The following ATG4B variants were observed in gnomAD, a reference collection of about 807,000 sequenced individuals.
The protein encoded by ATG4B is autophagy related 4B cysteine peptidase.
In ATG4B, 29 loss-of-function variants were observed where a neutral mutation model predicts 56.6. The ratio of observed to expected loss-of-function variants is 0.51; its 90% confidence interval spans 0.38 to 0.70. The LOEUF is 0.70. Among genes scored for constraint, ATG4B ranks in the 30% least tolerant of loss-of-function variants. The probability of loss-of-function intolerance (pLI) is 0.00; values close to 1 mark genes in which losing one functional copy is unlikely to be tolerated. For synonymous variants in ATG4B, 224 were observed against 206.1 expected (o/e 1.09, Z -0.74); for missense variants, 461 against 515.5 (o/e 0.89, Z 1.02).
At chr2:241,640,168 G>A (rs746781177) in intron 1 of ATG4B, among the ~76,000 whole-genome samples, 27 of 152,194 alleles carry the variant, frequency 1.8e-4, no homozygotes, top group Non-Finnish European at 3.5e-4. Flanking sequence ...GTTACATGGC[G>A]ATACTTTATT....
At chr2:241,661,783 CCAGT>C (rs1339996302) in intron 7 of ATG4B, among the ~76,000 whole-genome samples, 1 of 152,064 alleles carries the variant, frequency 6.6e-6, no homozygotes. Context: ...CTGTCCACCC[CCAGT>C]CAAAGGCCAG....
chr2:241,644,958 AAAG>A (rs2068018994), intron 1 of ATG4B, among the ~76,000 whole-genome samples: 1 of 151,910 alleles, frequency 6.6e-6, no homozygotes, highest in African/African-American at 2.4e-5. Context: ...AAAAAAAAAA[AAAG>A]AAAGAAATTA....
chr2:241,662,958 G>GGGCGCA (rs1159024352), intron 7 of ATG4B, among the ~76,000 whole-genome samples: 1 of 152,130 alleles, frequency 6.6e-6, no homozygotes, highest in Admixed American at 6.5e-5. Flanking sequence ...AAAGCGGGCC[G>GGGCGCA]GGCGCGGTGG....
At chr2:241,657,008 G>A (rs113080747) in intron 6 of ATG4B, among the ~76,000 whole-genome samples, 3 of 146,598 alleles carry the variant, frequency 2.0e-5, no homozygotes, top group Admixed American at 6.9e-5. Context: ...TAGCTCAGTA[G>A]CCTGGGCTGG....
At position 241,673,324 on chromosome 2, in the gene ATG4B, G is replaced by T. The variant is rs1430466031; in HGVS notation, c.*1060G>T. On this transcript the variant is annotated 3_prime_UTR_variant, in exon 13 of 13. Transcript: ENST00000404914. ...GTGTAACCTGCTGTCCCGGGTCCCA[G>T]AGTGCACTCTGCCCCGCTGCTCTGC... 5 of 352,302 alleles carry T rather than the reference G, an allele frequency of 1.4e-5. No homozygotes were observed. The highest frequency in any genetic ancestry group is 3.8e-5 in the Admixed American group (1 of 26,442). 21.8% of individuals were successfully genotyped at this position (352,302 alleles called of 1,614,324 possible). A position where few individuals can be genotyped will look rare whatever the true frequency, so the allele number is the denominator to read the frequency against.
At position 241,655,363 on chromosome 2, in the gene ATG4B, T is replaced by A. The variant is rs1446037221; in HGVS notation, c.458+20T>A. The stretch of plus-strand genomic sequence containing the variant: ...CCTGAAGTATGTACTGCGCTTCCAC[T>A]GCTGAGCATGGGGCAGCAGGGATGT... On this transcript the variant is annotated intron_variant, in intron 6 of 12. Transcript: ENST00000404914. 6.3e-7 allele frequency: 1 copy of A among 1,596,788 alleles called. No individual in the cohort carries two copies.
At chr2:241,655,852 C>T (rs532523524) in intron 6 of ATG4B, among the ~76,000 whole-genome samples, 4 of 152,316 alleles carry the variant, frequency 2.6e-5, no homozygotes, top group South Asian at 2.1e-4. Context: ...TGCGTGCCCG[C>T]CCCCCAGATT....
rs1444065334 is a variant in ATG4B at position 241,671,413 on chromosome 2, C to G, written c.1108+8C>G. On this transcript the variant is annotated splice_region_variant and intron_variant, in intron 12 of 12. Coordinates refer to ENST00000404914, the MANE Select transcript of ATG4B (RefSeq NM_013325.5). ...TCCTGAACCTGTCCCTAGGTGAGAG[C>G]TGCCAAGTCCAGGTGGGGTCCCTCG... 6.2e-7 allele frequency: 1 copy of G among 1,613,324 alleles called. No homozygotes were observed. The highest frequency in any genetic ancestry group is 1.7e-5 in the Admixed American group (1 of 59,950).
At chr2:241,644,380 G>A (rs988463980) in intron 1 of ATG4B, among the ~76,000 whole-genome samples, 3 of 152,254 alleles carry the variant, frequency 2.0e-5, no homozygotes, top group Admixed American at 1.3e-4. Flanking sequence ...TGGAATCATC[G>A]TGTTGGTCGA....
At chr2:241,667,743 C>G in intron 8 of ATG4B, 1 of 177,292 alleles carries the variant, frequency 5.6e-6, no homozygotes, top group Non-Finnish European at 1.2e-5. Context: ...TGAACTTGGC[C>G]CCTCCGTCCA....
chr2:241,652,809 C>T (rs1472079386), intron 3 of ATG4B, among the ~76,000 whole-genome samples: 4 of 152,208 alleles, frequency 2.6e-5, no homozygotes, highest in African/African-American at 4.8e-5. Flanking sequence ...GAGAAGCTGC[C>T]GGAAGCCCAG....
chr2:241,660,062 C>T (rs543477610), intron 7 of ATG4B, among the ~76,000 whole-genome samples: 2 of 152,218 alleles, frequency 1.3e-5, no homozygotes, highest in East Asian at 3.9e-4. Context: ...TGGTGGCACG[C>T]GCCTATAGTC....
chr2:241,642,438 G>A (rs936823168), intron 1 of ATG4B, among the ~76,000 whole-genome samples: 1 of 152,078 alleles, frequency 6.6e-6, no homozygotes. Context: ...TTAAACCTAA[G>A]AGCTTTCTAA....
intron 12 of ATG4B, chr2:241,671,788 C>T (rs2068980562): frequency 7.8e-7 from 1 of 1,275,060 alleles, no homozygotes; most frequent in Non-Finnish European, 1.0e-6. Flanking sequence ...GGACCATGGC[C>T]AGCGTGCCGC....
rs375765672 is a variant in ATG4B, at chr2:241,654,282, T to A, written c.284-264T>A. Among the ~76,000 whole-genome samples, 87 of 151,702 alleles carry A rather than the reference T, an allele frequency of 5.7e-4. No individual in the cohort carries two copies. The East Asian group carries it at 0.011, about 18-fold the overall frequency. ...CTAAAAACACAAAAATTAGCTAGGC[T>A]TGGTGACATGTGCCTGTAGTCCCAG... On this transcript the variant is annotated intron_variant, in intron 4 of 12. Coordinates refer to ENST00000404914, the MANE Select transcript of ATG4B (RefSeq NM_013325.5).
chr2:241,650,937 G>GT, intron 1 of ATG4B, 73 bp from the exon 2 acceptor site: 1 of 1,269,018 alleles, frequency 7.9e-7, no homozygotes, highest in Non-Finnish European at 1.1e-6. Flanking sequence ...CAGAAATGCT[G>GT]TAAATGGCCT....
At position 241,668,574 on chromosome 2, in the gene ATG4B, G is replaced by A. The variant is rs371822824; in HGVS notation, c.846G>A (p.Thr282=). Residue 282 remains threonine, a synonymous_variant, in exon 10 of 13, where the codon ACG becomes ACA. Coordinates refer to ENST00000404914, the MANE Select transcript of ATG4B (RefSeq NM_013325.5). The surrounding 1 kb of genome is among the most constrained non-coding windows in gnomAD (Gnocchi z 4.2). ...EELIYLDPHT[T]QPAVEPTDGC... ...TCATCTACCTGGACCCCCACACCAC[G>A]CAGCCAGCCGTGGAGCCCACTGATG... 8.8e-5 allele frequency: 142 copies of A among 1,608,424 alleles called. No homozygotes were observed. The African/African-American group carries it at 1.4e-3, about 16-fold the overall frequency.
intron 1 of ATG4B, among the ~76,000 whole-genome samples, chr2:241,642,955 T>C (rs1016165609): frequency 7.2e-6 from 1 of 138,744 alleles, no homozygotes; most frequent in Admixed American, 7.8e-5. Context: ...CTATCTCAGC[T>C]CACTGCAGCC....
intron 1 of ATG4B, among the ~76,000 whole-genome samples, chr2:241,638,758 G>A (rs906628518): frequency 1.3e-5 from 2 of 152,234 alleles, no homozygotes; most frequent in East Asian, 1.9e-4. Context: ...GTGGCTGGAG[G>A]AAACAGGAGC....
Sources: allele counts gnomAD v4.1 joint callset (sites outside exome capture counted in the v4.1 genomes callset), GRCh38; gene constraint gnomAD v4.1.1; non-coding constraint Gnocchi (gnomAD v3.1); transcripts MANE v1.5; gene names NCBI Gene and HGNC (gene_info 2026-07-23, HGNC 2026-07-21).